CTNS: variants seen among roughly 807,000 people sequenced by gnomAD.
CTNS encodes cystinosin, lysosomal cystine transporter, also known as cystinosin.
A neutral mutation model predicts 43.7 loss-of-function variants in CTNS; 27 were observed. The ratio of observed to expected loss-of-function variants is 0.62; its 90% CI spans 0.46 to 0.85. The LOEUF (loss-of-function observed/expected upper bound fraction) is 0.85. Among genes scored for constraint, CTNS ranks in the 40% least tolerant of loss-of-function variants. The probability of loss-of-function intolerance (pLI) is 0.00; values close to 1 mark genes in which losing one functional copy is unlikely to be tolerated. For missense variants in CTNS, 457 were observed against 475.4 expected (o/e 0.96, Z 0.36); for synonymous variants, 187 against 190.6 (o/e 0.98, Z 0.16).
intron 5 of CTNS, among the ~76,000 whole-genome samples, chr17:3,653,838 T>C (rs985076046): frequency 2.0e-5 from 3 of 150,826 alleles, no homozygotes; most frequent in African/African-American, 7.3e-5. Context: ...ATCGCGCCAT[T>C]GCACTCCAGC....
chr17:3,660,011 C>T (rs781217226), intron 11 of CTNS, 36 bp downstream of exon 11: 9 of 1,570,680 alleles, frequency 5.7e-6, no homozygotes, highest in African/African-American at 1.4e-5. Context: ...CACCCTGCGG[C>T]TGGGGCATCG....
At chr17:3,647,331 T>C in intron 3 of CTNS, 113 bp from the exon 4 acceptor site, 1 of 878,320 alleles carries the variant, frequency 1.1e-6, no homozygotes, top group African/African-American at 1.6e-5. Context: ...AGAATAGGGC[T>C]CGTCAGAGAG....
Position 3,662,219 on chromosome 17 carries a change from G to T in CTNS, c.*1850G>T, listed in dbSNP as rs2142988436. Among the ~76,000 whole-genome samples, 1 of 152,090 alleles carries T rather than the reference G, an allele frequency of 6.6e-6. No homozygotes were observed. Among genetic ancestry groups the T allele is most frequent in the South Asian group, 2.1e-4 (1 of 4,814 alleles). ...CCAGCTACTTGGTTGGCTGAGGCAG[G>T]AGAATTACTTGAACCCAGGAGGCGG... On this transcript the variant is annotated 3_prime_UTR_variant, in exon 12 of 12. Transcript: ENST00000046640.
chr17:3,646,922 G>C (rs768705426), intron 3 of CTNS, among the ~76,000 whole-genome samples: 17 of 152,200 alleles, frequency 1.1e-4, no homozygotes, highest in Non-Finnish European at 2.5e-4. Flanking sequence ...ACCAGTGCCA[G>C]GGTGAGCTGG....
chr17:3,660,008 C>A, intron 11 of CTNS, 33 bp downstream of exon 11: 1 of 1,569,002 alleles, frequency 6.4e-7, no homozygotes, highest in East Asian at 2.2e-5. Context: ...GGCCACCCTG[C>A]GGCTGGGGCA....
rs111244009 is a variant in CTNS at position 3,651,973 on chromosome 17, C to CAA, written c.226-3017_226-3016dup. Among the ~76,000 whole-genome samples the CAA allele has an allele frequency of 5.6e-3, 663 of 117,800 alleles. 51 individuals are homozygous for CAA. In the East Asian group the frequency reaches 0.081, roughly 14 times the overall value. 77.3% of individuals were successfully genotyped at this position (117,800 alleles called of 152,430 possible). A position where few individuals can be genotyped will look rare whatever the true frequency, so the allele number is the denominator to read the frequency against. Reference sequence around the variant, plus strand: ...TGGGTGACAGAATGAGACCCTGTCTCAAAAAAAAAGAAAAGAAAAGAAAAG... The same window carrying CAA: ...TGGGTGACAGAATGAGACCCTGTCTCAAAAAAAAAAAGAAAAGAAAAGAAAAG... On this transcript the variant is annotated intron_variant, in intron 5 of 11. Coordinates refer to ENST00000046640, the MANE Select transcript of CTNS (RefSeq NM_004937.3).
intron 3 of CTNS, among the ~76,000 whole-genome samples, chr17:3,642,056 TACCC>T (rs1461368400): frequency 3.9e-5 from 2 of 51,418 alleles, no homozygotes; most frequent in Non-Finnish European, 1.0e-4. Context: ...TGTGTGTGTG[TACCC>T]GGGCGTGTGT....
intron 5 of CTNS, among the ~76,000 whole-genome samples, chr17:3,653,477 A>G (rs766692172): frequency 9.2e-5 from 14 of 152,160 alleles, no homozygotes; most frequent in Admixed American, 5.2e-4. Flanking sequence ...TACCTGCAAT[A>G]TGGGTGGAGT....
chr17:3,641,384 A>ATATATATATATATTTTT (rs1555558526), intron 3 of CTNS, among the ~76,000 whole-genome samples: 4 of 31,204 alleles, frequency 1.3e-4, no homozygotes, highest in East Asian at 1.3e-3. Flanking sequence ...ATATATATAT[A>ATATATATATATATTTTT]TTTTTTTTTT....
Position 3,656,948 on chromosome 17 carries a change from C to G in CTNS, c.681+153C>G. 3 of 1,246,650 alleles carry G rather than the reference C, an allele frequency of 2.4e-6. No individual in the cohort carries two copies. The South Asian group carries it at 4.0e-5, about 16-fold the overall frequency. 77.2% of individuals were successfully genotyped at this position (1,246,650 alleles called of 1,614,324 possible). A position where few individuals can be genotyped will look rare whatever the true frequency, so the allele number is the denominator to read the frequency against. On this transcript the variant is annotated intron_variant, in intron 9 of 11. Coordinates refer to ENST00000046640, the MANE Select transcript of CTNS (RefSeq NM_004937.3). ...TGGGCATAGAAGACACCCATGAGTC[C>G]AGGCCCTCAGAGCCCCCCAAGTCTG...
At chr17:3,650,443 C>T in intron 5 of CTNS, 3 of 1,252,532 alleles carry the variant, frequency 2.4e-6, no homozygotes, top group Non-Finnish European at 3.3e-6. Context: ...GACTGTACCA[C>T]TGCCCTCCAG....
chr17:3,638,092 C>T (rs2150883948), intron 2 of CTNS, among the ~76,000 whole-genome samples: 1 of 152,280 alleles, frequency 6.6e-6, no homozygotes, highest in Middle Eastern at 3.4e-3. Flanking sequence ...AAACATGTGA[C>T]ATCTGAATGA....
In CTNS at chr17:3,654,881, G is replaced by A. The variant is rs2076087327; in HGVS notation, c.226-117G>A. The A allele has an allele frequency of 6.2e-6, 5 of 812,320 alleles. No homozygotes were observed. In the Admixed American group the frequency reaches 8.6e-5, roughly 14 times the overall value. 50.3% of individuals were successfully genotyped at this position (812,320 alleles called of 1,614,324 possible). On this transcript the variant is annotated intron_variant, in intron 5 of 11. Coordinates refer to ENST00000046640, the MANE Select transcript of CTNS (RefSeq NM_004937.3). Reference sequence around the variant, plus strand: ...CCTTTTGCTTAGTAAGCTCTTGGAAGGTGAGGCTGCGGGTGGTGCGTCCCT... The same window carrying A: ...CCTTTTGCTTAGTAAGCTCTTGGAAAGTGAGGCTGCGGGTGGTGCGTCCCT...
intron 3 of CTNS, among the ~76,000 whole-genome samples, chr17:3,642,124 C>T (rs1332605660): frequency 8.2e-6 from 1 of 122,370 alleles, no homozygotes; most frequent in African/African-American, 3.3e-5. Context: ...TGTCTGCGTG[C>T]ATGTATGTGT....
intron 2 of CTNS, among the ~76,000 whole-genome samples, chr17:3,638,942 C>T (rs1025379927): frequency 2.6e-5 from 4 of 152,142 alleles, no homozygotes; most frequent in Non-Finnish European, 5.9e-5. Context: ...TGAGAAGGGT[C>T]TCAGATGAGG....
At chr17:3,657,021 C>G (rs2076165434) in intron 9 of CTNS, 3 of 634,056 alleles carry the variant, frequency 4.7e-6, no homozygotes, top group African/African-American at 1.8e-5. Flanking sequence ...GGCTGAGAGC[C>G]GTGCACAGAG....
At chr17:3,658,791 G>A (rs892532431) in intron 10 of CTNS, among the ~76,000 whole-genome samples, 1 of 152,218 alleles carries the variant, frequency 6.6e-6, no homozygotes, top group Non-Finnish European at 1.5e-5. Flanking sequence ...CTGGGAGGCA[G>A]GACTGGACTC....
intron 7 of CTNS, chr17:3,655,857 G>A (rs752301838): frequency 4.0e-6 from 1 of 251,526 alleles, no homozygotes; most frequent in Non-Finnish European, 7.8e-6. Flanking sequence ...TCTGGAGCCA[G>A]GACTTGAGGG....
At chr17:3,657,326 A>T (rs914535987) in intron 9 of CTNS, among the ~76,000 whole-genome samples, 1 of 152,190 alleles carries the variant, frequency 6.6e-6, no homozygotes. Context: ...AGACACCTGT[A>T]TTCAGCTTTG....
Sources: gnomAD v4.1 joint callset for allele counts (sites outside exome capture counted in the v4.1 genomes callset) on GRCh38, gnomAD v4.1.1 for gene constraint, MANE v1.5 for transcripts, NCBI Gene and HGNC (gene_info 2026-07-23, HGNC 2026-07-21) for gene names.